Variants in APPL1 observed in about 807,000 individuals in gnomAD.
APPL1 encodes adaptor protein, phosphotyrosine interacting with PH domain and leucine zipper 1.
APPL1 carries 42 observed loss-of-function variants against 106.8 expected under a neutral mutation model. That is an observed-to-expected ratio of 0.39 (90% CI 0.31 to 0.51). The LOEUF is 0.51. Among genes scored for constraint, APPL1 ranks in the 20% least tolerant of loss-of-function variants. The pLI is 0.75. For missense variants in APPL1, 769 were observed against 858.2 expected (o/e 0.90, Z 1.30); for synonymous variants, 263 against 281.8 (o/e 0.93, Z 0.67).
intron 10 of APPL1, 134 bp downstream of exon 10, chr3:57,248,485 A>T: frequency 1.0e-6 from 1 of 987,110 alleles, no homozygotes; most frequent in South Asian, 1.9e-5. Flanking sequence ...GTTAGTATTT[A>T]TGTGAACTTT....
intron 6 of APPL1, among the ~76,000 whole-genome samples, chr3:57,242,426 G>A (rs1339486940): frequency 2.6e-5 from 4 of 151,756 alleles, no homozygotes; most frequent in Non-Finnish European, 4.4e-5. Flanking sequence ...TTTCTTTAAT[G>A]AGTGTTATAT....
At chr3:57,251,562 C>T (rs992710038) in intron 11 of APPL1, among the ~76,000 whole-genome samples, 3 of 151,068 alleles carry the variant, frequency 2.0e-5, no homozygotes, top group Non-Finnish European at 4.4e-5. Flanking sequence ...AGCTCACTAT[C>T]CTTTATCAAA....
chr3:57,269,515 AGTTT>A, intron 21 of APPL1, 22 bp from the exon 22 acceptor site: 1 of 1,609,556 alleles, frequency 6.2e-7, no homozygotes, highest in Non-Finnish European at 8.5e-7. Flanking sequence ...CAAGTAACTT[AGTTT>A]CTTTTTTGTC....
intron 16 of APPL1, among the ~76,000 whole-genome samples, chr3:57,259,291 C>T (rs1409595779): frequency 6.6e-6 from 1 of 152,214 alleles, no homozygotes; most frequent in East Asian, 1.9e-4. Flanking sequence ...GACTCTCATA[C>T]TTTTGACTTT....
intron 19 of APPL1, among the ~76,000 whole-genome samples, chr3:57,261,999 G>A (rs998979698): frequency 7.2e-5 from 11 of 151,994 alleles, no homozygotes; most frequent in South Asian, 2.1e-4. Flanking sequence ...ATTTTGATTT[G>A]CATTTCTCTA....
chr3:57,251,442 T>C (rs2060804029), intron 11 of APPL1, among the ~76,000 whole-genome samples: 1 of 151,284 alleles, frequency 6.6e-6, no homozygotes, highest in South Asian at 2.1e-4. Context: ...GGAGAATTGC[T>C]TGAACCCAGG....
chr3:57,257,325 C>A lies in APPL1; in HGVS notation c.1327C>A (p.Leu443Ile). 6.2e-7 allele frequency: 1 copy of A among 1,614,134 alleles called. No homozygotes were observed. Among genetic ancestry groups the A allele is most frequent in the African/African-American group, 1.3e-5 (1 of 75,018 alleles). ...SESTNLAALSLDSLVAPDTPI... is the reference protein window; with the variant it reads ...SESTNLAALSIDSLVAPDTPI... ...GTCTACAAATTTGGCTGCCCTCTCTCTAGATTCTCTTGTTGCCCCAGACAC... is the reference window on the plus strand; with the variant it reads ...GTCTACAAATTTGGCTGCCCTCTCTATAGATTCTCTTGTTGCCCCAGACAC... The change falls in exon 15 of 22, where the codon CTA (leucine) becomes ATA (isoleucine). Residue 443 changes from leucine (L) to isoleucine (I), a missense_variant. Physicochemically the swap from Leu to Ile is conservative, Grantham distance 5. Coordinates refer to ENST00000288266, the MANE Select transcript of APPL1 (RefSeq NM_012096.3).
At chr3:57,259,136 A>T (rs2060852311) in intron 16 of APPL1, 56 bp downstream of exon 16, 2 of 1,418,166 alleles carry the variant, frequency 1.4e-6, no homozygotes, top group African/African-American at 2.8e-5. Context: ...GCAAACTGTG[A>T]ATAATTTATT....
intron 18 of APPL1, 31 bp from the exon 19 acceptor site, chr3:57,260,597 T>C: frequency 6.3e-7 from 1 of 1,587,416 alleles, no homozygotes; most frequent in Non-Finnish European, 8.6e-7. Flanking sequence ...TTGTAAGATC[T>C]CATGTTTGCT....
At chr3:57,254,951 CA>C (rs1359702158) in intron 13 of APPL1, among the ~76,000 whole-genome samples, 2 of 152,176 alleles carry the variant, frequency 1.3e-5, no homozygotes, top group African/African-American at 2.4e-5. Context: ...ATAGAGAATA[CA>C]AAACTGAAAT....
chr3:57,253,849 C>G lies in APPL1; in HGVS notation c.1152+111C>G, dbSNP rs1487947804. On this transcript the variant is annotated intron_variant, in intron 13 of 21. Coordinates refer to ENST00000288266, the MANE Select transcript of APPL1 (RefSeq NM_012096.3). ...AGGTTCTGTAATTTTTTAATTTGACCTTGAATGAGTAGCTTTTTTTTTTTT... is the reference window on the plus strand; with the variant it reads ...AGGTTCTGTAATTTTTTAATTTGACGTTGAATGAGTAGCTTTTTTTTTTTT... 8 of 800,640 alleles carry G rather than the reference C, an allele frequency of 1.0e-5. No individual in the cohort carries two copies. The African/African-American group carries it at 1.1e-4, about 11-fold the overall frequency. 49.6% of individuals were successfully genotyped at this position (800,640 alleles called of 1,614,324 possible). A position where few individuals can be genotyped will look rare whatever the true frequency, so the allele number is the denominator to read the frequency against.
chr3:57,227,851 T>G lies in APPL1; in HGVS notation c.-33T>G, dbSNP rs1054013712. Reference sequence around the variant, plus strand: ...GGCGCGGGGAGCTGTGGGCGGCAGCTGCGTCTCCTGCCACCGCCCTCCCTC... The same window carrying G: ...GGCGCGGGGAGCTGTGGGCGGCAGCGGCGTCTCCTGCCACCGCCCTCCCTC... On this transcript the variant is annotated 5_prime_UTR_variant, in exon 1 of 22. Transcript: ENST00000288266. 1.4e-6 allele frequency: 2 copies of G among 1,449,340 alleles called. No individual in the cohort carries two copies. The highest frequency in any genetic ancestry group is 3.0e-5 in the East Asian group (1 of 33,592). 89.8% of individuals were successfully genotyped at this position (1,449,340 alleles called of 1,614,324 possible).
intron 1 of APPL1, among the ~76,000 whole-genome samples, chr3:57,229,646 C>T (rs2060675672): frequency 6.6e-6 from 1 of 151,434 alleles, no homozygotes; most frequent in Non-Finnish European, 1.5e-5. Flanking sequence ...AAGTGATCCT[C>T]CTGCCTCAGC....
chr3:57,244,375 C>T (rs1400111157), intron 7 of APPL1, among the ~76,000 whole-genome samples: 3 of 152,250 alleles, frequency 2.0e-5, no homozygotes, highest in South Asian at 2.1e-4. Context: ...AGGCTGGTCT[C>T]GAACTCCTGA....
intron 1 of APPL1, among the ~76,000 whole-genome samples, chr3:57,233,980 A>G (rs112252046): frequency 0.071 from 10,724 of 152,012 alleles, 1,265 homozygotes; most frequent in African/African-American, 0.24. Flanking sequence ...GCTACCTGGG[A>G]GGCTGAGGTG....
rs534298766 is a variant in APPL1 at position 57,230,278 on chromosome 3, A to C, written c.54+2341A>C. Among the ~76,000 whole-genome samples, 199 of 152,286 alleles carry C rather than the reference A, an allele frequency of 1.3e-3. 1 individual carries two copies. The highest frequency in any genetic ancestry group is 2.0e-3 in the Non-Finnish European group (135 of 68,024). On this transcript the variant is annotated intron_variant, in intron 1 of 21. Transcript: ENST00000288266. ...AAATCATTCAACTTCTCTGAACCTC[A>C]GCTGTTGTGTCTTAATGACATGTTT... is the stretch of plus-strand genomic sequence containing the variant.
At chr3:57,234,386 C>T (rs1395684375) in intron 1 of APPL1, among the ~76,000 whole-genome samples, 2 of 151,166 alleles carry the variant, frequency 1.3e-5, no homozygotes, top group African/African-American at 4.9e-5. Context: ...CAAGCTCCGC[C>T]TCCCAGGTTC....
chr3:57,257,102 A>G, intron 14 of APPL1, 51 bp downstream of exon 14: 2 of 1,583,890 alleles, frequency 1.3e-6, no homozygotes, highest in Non-Finnish European at 1.7e-6. Context: ...TATTTAAAGT[A>G]TCTGTGATCT....
At chr3:57,261,262 C>T (rs1479565828) in intron 19 of APPL1, among the ~76,000 whole-genome samples, 6 of 152,166 alleles carry the variant, frequency 3.9e-5, no homozygotes, top group Non-Finnish European at 8.8e-5. Flanking sequence ...CTTCTAGTTC[C>T]ATCCACGTTG....
Sources: gnomAD v4.1 joint callset for allele counts (sites outside exome capture counted in the v4.1 genomes callset) on GRCh38, gnomAD v4.1.1 for gene constraint, MANE v1.5 for transcripts, NCBI Gene and HGNC (gene_info 2026-07-23, HGNC 2026-07-21) for gene names.